Variants in ZRANB3 observed in about 807,000 individuals in gnomAD.
ZRANB3 encodes the protein DNA annealing helicase and endonuclease ZRANB3.
ZRANB3 carries 125 observed loss-of-function variants against 133.8 expected under a neutral mutation model. The observed-to-expected ratio is 0.93, with a 90% CI of 0.81 to 1.08. ZRANB3 has a LOEUF of 1.08. ZRANB3 is among the 50% of genes least tolerant of loss of function. The pLI is 0.00. For synonymous variants in ZRANB3, 387 were observed against 432.7 expected, an observed-to-expected ratio of 0.89 and a Z score of 1.31; for missense variants, 1,229 against 1,275.5, an observed-to-expected ratio of 0.96 and a Z score of 0.56.
chr2:135,469,147 A>G (rs2105025197), intron 2 of ZRANB3, among the ~76,000 whole-genome samples: 1 of 152,278 alleles, frequency 6.6e-6, no homozygotes, highest in East Asian at 1.9e-4. Context: ...CCACTGACTA[A>G]GAAAAGGTTC....
At chr2:135,252,699 C>T (rs1400362664) in intron 12 of ZRANB3, among the ~76,000 whole-genome samples, 1 of 152,138 alleles carries the variant, frequency 6.6e-6, no homozygotes, top group Non-Finnish European at 1.5e-5. Context: ...CTTCTACCAC[C>T]ACAATCTTTT....
rs78250681 is a variant in ZRANB3, at chr2:135,199,287, G to GT, written c.*1054dup. 0.019 allele frequency: 2,787 copies of GT among 147,926 alleles called. 35 individuals carry two copies. The highest frequency in any genetic ancestry group is 0.054 in the South Asian group (256 of 4,722). The allele number at this position is 147,926 out of a possible 1,614,324, so 9.2% of individuals were successfully genotyped here. On this transcript the variant is annotated 3_prime_UTR_variant, in exon 21 of 21. Transcript: ENST00000264159. ...AAAGTGTATTTTGATAGTACGCTTA[G>GT]TTTTTTTTTTTGTTTGTTTGTTTGT...
chr2:135,397,050 C>A (rs548871767), intron 2 of ZRANB3, among the ~76,000 whole-genome samples: 1 of 152,128 alleles, frequency 6.6e-6, no homozygotes, highest in East Asian at 1.9e-4. Flanking sequence ...TCCCTTGAGC[C>A]CAGGAGATTG....
chr2:135,425,799 C>T (rs1221312823), intron 2 of ZRANB3, among the ~76,000 whole-genome samples: 2 of 151,126 alleles, frequency 1.3e-5, no homozygotes, highest in Non-Finnish European at 2.9e-5. Context: ...GAAACAAGAG[C>T]AAACCAACCC....
At chr2:135,259,754 T>C (rs997537242) in intron 12 of ZRANB3, among the ~76,000 whole-genome samples, 1 of 152,130 alleles carries the variant, frequency 6.6e-6, no homozygotes, top group Non-Finnish European at 1.5e-5. Flanking sequence ...GCAGGACTCA[T>C]TACCCATACT....
intron 5 of ZRANB3, among the ~76,000 whole-genome samples, chr2:135,349,054 T>C (rs1431561309): frequency 6.6e-6 from 1 of 152,180 alleles, no homozygotes; most frequent in Non-Finnish European, 1.5e-5. Flanking sequence ...GTAAAAACTA[T>C]AAAAGGTAAA....
chr2:135,284,822 G>C (rs1681272704), intron 8 of ZRANB3, among the ~76,000 whole-genome samples: 1 of 151,514 alleles, frequency 6.6e-6, no homozygotes, highest in Admixed American at 6.6e-5. Context: ...TAACAAGAGA[G>C]GTTATTTCTT....
chr2:135,302,325 A>G (rs1682470830), intron 8 of ZRANB3, among the ~76,000 whole-genome samples: 1 of 152,200 alleles, frequency 6.6e-6, no homozygotes, highest in African/African-American at 2.4e-5. Flanking sequence ...CAGAAGTTCT[A>G]TTAGAGAGGG....
chr2:135,505,698 G>C (rs1483185328), intron 1 of ZRANB3, among the ~76,000 whole-genome samples: 1 of 152,076 alleles, frequency 6.6e-6, no homozygotes, highest in African/African-American at 2.4e-5. Flanking sequence ...AACAAAGCAA[G>C]TATTTATTTA....
chr2:135,381,161 G>A (rs1686673406), intron 3 of ZRANB3, among the ~76,000 whole-genome samples: 1 of 152,168 alleles, frequency 6.6e-6, no homozygotes, highest in Non-Finnish European at 1.5e-5. Context: ...CTAATACTGT[G>A]CTTTTCTGAC....
chr2:135,215,802 C>A (rs1315440442), intron 17 of ZRANB3, among the ~76,000 whole-genome samples: 1 of 152,170 alleles, frequency 6.6e-6, no homozygotes, highest in African/African-American at 2.4e-5. Flanking sequence ...GTAATACAGA[C>A]ATTTTGAAAT....
chr2:135,441,078 G>A lies in ZRANB3; in HGVS notation c.162-50258C>T, dbSNP rs528527285. 1.9e-4 allele frequency among the ~76,000 whole-genome samples: 29 copies of A among 151,986 alleles called. No individual in the cohort carries two copies. In the South Asian group the frequency reaches 5.8e-3, roughly 31 times the overall value. On this transcript the variant is annotated intron_variant, in intron 2 of 20. Coordinates refer to ENST00000264159, the MANE Select transcript of ZRANB3 (RefSeq NM_032143.4). ...AAAAAATACGGAAAAATCAGGGTCC[G>A]AAACTTCCCAAATCTGAAGAAAAAC...
intron 3 of ZRANB3, among the ~76,000 whole-genome samples, chr2:135,370,380 C>T (rs11886814): frequency 0.27 from 40,482 of 151,740 alleles, 9,085 homozygotes; most frequent in African/African-American, 0.6. Context: ...TCTTATGCCA[C>T]TGCATCCTCA....
intron 6 of ZRANB3, among the ~76,000 whole-genome samples, chr2:135,321,397 C>T (rs1328296691): frequency 1.3e-5 from 2 of 151,982 alleles, no homozygotes; most frequent in Non-Finnish European, 2.9e-5. Flanking sequence ...TTCTGTATAT[C>T]GCCTTAGGTC....
At chr2:135,498,280 G>T (rs1005585103) in intron 2 of ZRANB3, among the ~76,000 whole-genome samples, 11 of 152,060 alleles carry the variant, frequency 7.2e-5, no homozygotes, top group African/African-American at 2.7e-4. Context: ...CTGAAGCCAT[G>T]GCAGAAGAAC....
In ZRANB3 at chr2:135,250,135, A is replaced by G. The variant is rs549346601; in HGVS notation, c.1539+15399T>C. On this transcript the variant is annotated intron_variant, in intron 12 of 20. Coordinates refer to ENST00000264159, the MANE Select transcript of ZRANB3 (RefSeq NM_032143.4). ...GATGGGGATGAGGAATTTGCTGGGA[A>G]CTGGAGCAAAAGTGACTCTTGTTAT... 6.6e-5 allele frequency among the ~76,000 whole-genome samples: 10 copies of G among 152,308 alleles called. No individual in the cohort carries two copies. In the South Asian group the frequency reaches 2.1e-3, roughly 32 times the overall value.
chr2:135,446,404 A>G (rs1219328652), intron 2 of ZRANB3, among the ~76,000 whole-genome samples: 1 of 152,082 alleles, frequency 6.6e-6, no homozygotes, highest in Non-Finnish European at 1.5e-5. Flanking sequence ...GGGTGTTAAG[A>G]TGCAGGAGGA....
intron 3 of ZRANB3, among the ~76,000 whole-genome samples, chr2:135,371,403 A>AG (rs1686171010): frequency 6.6e-6 from 1 of 152,298 alleles, no homozygotes; most frequent in African/African-American, 2.4e-5. Context: ...GTGAACTTAA[A>AG]CATTAAATTC....
chr2:135,344,285 T>A (rs1231515775), intron 6 of ZRANB3, among the ~76,000 whole-genome samples: 1 of 152,158 alleles, frequency 6.6e-6, no homozygotes, highest in Non-Finnish European at 1.5e-5. Flanking sequence ...GTGGTCTAGC[T>A]CTAAATTTCC....
Sources: gnomAD v4.1 joint callset for allele counts (sites outside exome capture counted in the v4.1 genomes callset) on GRCh38, gnomAD v4.1.1 for gene constraint, MANE v1.5 for transcripts, NCBI Gene and HGNC (gene_info 2026-07-23, HGNC 2026-07-21) for gene names.